Variants in MPLKIP observed in about 807,000 individuals in gnomAD.
The protein encoded by MPLKIP is M-phase-specific PLK1-interacting protein.
MPLKIP carries 16 observed loss-of-function variants against 16.9 expected under a neutral mutation model. The observed-to-expected ratio is 0.94, with a 90% CI of 0.64 to 1.43. The LOEUF is 1.43. Among genes scored for constraint, MPLKIP ranks in the 40% most tolerant of loss-of-function variants. The pLI is 0.00. For missense variants in MPLKIP, 282 were observed against 237.6 expected (o/e 1.19, Z -1.23); for synonymous variants, 126 against 98.4 (o/e 1.28, Z -1.66).
chr7:40,133,307 T>C (rs1289486612), intron 1 of MPLKIP, 48 bp from the exon 2 acceptor site: 1 of 1,518,050 alleles, frequency 6.6e-7, no homozygotes, highest in Non-Finnish European at 9.1e-7. Flanking sequence ...AGATAATTGG[T>C]ACTTCTTCCT....
chr7:40,133,759 A>T (rs887675408), intron 1 of MPLKIP, among the ~76,000 whole-genome samples: 1 of 152,112 alleles, frequency 6.6e-6, no homozygotes, highest in Admixed American at 6.6e-5. Flanking sequence ...CAGAAATCCC[A>T]GACATGCTAG....
intron 1 of MPLKIP, among the ~76,000 whole-genome samples, chr7:40,133,767 T>G (rs1036313492): frequency 1.3e-5 from 2 of 151,602 alleles, no homozygotes; most frequent in Admixed American, 1.3e-4. Flanking sequence ...CCAGACATGC[T>G]AGAGATACTC....
chr7:40,134,467 C>A lies in MPLKIP; in HGVS notation c.101G>T (p.Gly34Val). Residue 34 changes from glycine (G) to valine (V), a missense_variant, in exon 1 of 2, where the codon GGC becomes GTC. Transcript: ENST00000306984. ...GSSFRGTPGG[G>V]GPRPPSPRDG... ...TCGAGGGGAGGGCGGCCGTGGTCCG[C>A]CCCCGCCCGGGGTTCCCCGGAAGCT... The A allele has an allele frequency of 6.4e-7, 1 of 1,572,252 alleles. No homozygotes were observed. Among genetic ancestry groups the A allele is most frequent in the Non-Finnish European group, 8.6e-7 (1 of 1,160,700 alleles).
Position 40,134,314 on chromosome 7 carries a change from C to A in MPLKIP, c.254G>T (p.Gly85Val). 6.4e-7 allele frequency: 1 copy of A among 1,555,966 alleles called. No individual in the cohort carries two copies. Among genetic ancestry groups the A allele is most frequent in the Non-Finnish European group, 8.7e-7 (1 of 1,150,156 alleles). Residue 85 changes from glycine to valine, a missense_variant, in exon 1 of 2, where the codon GGC becomes GTC. Transcript: ENST00000306984. ...GGRFGSPSPGGYPGSYSRSPA... is the reference protein window; with the variant it reads ...GGRFGSPSPGVYPGSYSRSPA... ...GGACCTGGAGTAGGAGCCAGGGTAG[C>A]CGCCAGGGGACGGAGACCCGAACCG...
At position 40,134,140 on chromosome 7, in the gene MPLKIP, G is replaced by A. The variant is rs921233645; in HGVS notation, c.339+89C>T. ...GGGCTAACAATAGTACCTCAGAGAG[G>A]ATTAGACAAAATAATCCACGTAAAG... is the stretch of plus-strand genomic sequence containing the variant. On this transcript the variant is annotated intron_variant, in intron 1 of 1. Coordinates refer to ENST00000306984, the MANE Select transcript of MPLKIP (RefSeq NM_138701.4). 16 of 1,448,388 alleles carry A rather than the reference G, an allele frequency of 1.1e-5. No homozygotes were observed. The African/African-American group carries it at 1.5e-4, about 14-fold the overall frequency. 89.7% of individuals were successfully genotyped at this position (1,448,388 alleles called of 1,614,324 possible).
rs887848288 is a variant in MPLKIP at position 40,129,238 on chromosome 7, C to T, written c.*3821G>A. 1 of 148,684 alleles carries T rather than the reference C, an allele frequency of 6.7e-6. No individual in the cohort carries two copies. The highest frequency in any genetic ancestry group is 1.5e-5 in the Non-Finnish European group (1 of 67,740). The allele number at this position is 148,684 out of a possible 1,614,324, so 9.2% of individuals were successfully genotyped here. On this transcript the variant is annotated 3_prime_UTR_variant, in exon 2 of 2. Coordinates refer to ENST00000306984, the MANE Select transcript of MPLKIP (RefSeq NM_138701.4). ...TAATACATCTGAATTCTGAACATCT[C>T]CACACGGGCCAATATAACTTATTTT...
rs1219066319 is a variant in MPLKIP, at chr7:40,128,046, CACACAAAAAAAGAGGTCATTAGGAAGT to C, written c.*4986_*5012del. ...CAACACAGTAAGACTCTGTCACACA[CACACAAAAAAAGAGGTCATTAGGAAGT>C]TCAGGGCTTATATCAGGTGTACTGA... On this transcript the variant is annotated 3_prime_UTR_variant, in exon 2 of 2. Coordinates refer to ENST00000306984, the MANE Select transcript of MPLKIP (RefSeq NM_138701.4). 2 of 151,826 alleles carry C rather than the reference CACACAAAAAAAGAGGTCATTAGGAAGT, an allele frequency of 1.3e-5. No homozygotes were observed. Among genetic ancestry groups the C allele is most frequent in the East Asian group, 3.9e-4 (2 of 5,192 alleles). 9.4% of individuals were successfully genotyped at this position (151,826 alleles called of 1,614,324 possible).
In MPLKIP at chr7:40,128,699, G is replaced by A. The variant is rs1295842618; in HGVS notation, c.*4360C>T. On this transcript the variant is annotated 3_prime_UTR_variant, in exon 2 of 2. Coordinates refer to ENST00000306984, the MANE Select transcript of MPLKIP (RefSeq NM_138701.4). Reference sequence around the variant, plus strand: ...GGGAGGCTGAGGCTGGGCAGATCATGAGGTCAGGAGATTGAGACCATCCTG... The same window carrying A: ...GGGAGGCTGAGGCTGGGCAGATCATAAGGTCAGGAGATTGAGACCATCCTG... The A allele has an allele frequency of 6.6e-6, 1 of 152,182 alleles. No individual in the cohort carries two copies. Among genetic ancestry groups the A allele is most frequent in the Non-Finnish European group, 1.5e-5 (1 of 68,076 alleles). 9.4% of individuals were successfully genotyped at this position (152,182 alleles called of 1,614,324 possible).
rs1027647998 is a variant in MPLKIP at position 40,131,782 on chromosome 7, G to C, written c.*1277C>G. The C allele has an allele frequency of 6.6e-6, 1 of 152,248 alleles. No individual in the cohort carries two copies. The highest frequency in any genetic ancestry group is 1.5e-5 in the Non-Finnish European group (1 of 68,068). The allele number at this position is 152,248 out of a possible 1,614,324, so 9.4% of individuals were successfully genotyped here. ...GAACCTGGGAGGCGGACGTTGCAGT[G>C]AGCCAAGATTGCGCCACTGCACTCC... On this transcript the variant is annotated 3_prime_UTR_variant, in exon 2 of 2. Transcript: ENST00000306984.
rs1787473557 is a variant in MPLKIP at position 40,132,241 on chromosome 7, A to C, written c.*818T>G. On this transcript the variant is annotated 3_prime_UTR_variant, in exon 2 of 2. Coordinates refer to ENST00000306984, the MANE Select transcript of MPLKIP (RefSeq NM_138701.4). ...CTCACTGTGGCCTTGGCCACAGTTA[A>C]TTGGTTCAATAATACAGAAACATGA... is the stretch of plus-strand genomic sequence containing the variant. The C allele has an allele frequency of 6.6e-6, 1 of 152,256 alleles. No homozygotes were observed. The highest frequency in any genetic ancestry group is 1.5e-5 in the Non-Finnish European group (1 of 68,070). 9.4% of individuals were successfully genotyped at this position (152,256 alleles called of 1,614,324 possible).
chr7:40,134,105 C>G (rs1412996220), intron 1 of MPLKIP, 124 bp downstream of exon 1: 3 of 1,136,440 alleles, frequency 2.6e-6, no homozygotes, highest in African/African-American at 3.1e-5. Context: ...GTTCGCTCAT[C>G]TGCAAAATTG....
Position 40,134,292 on chromosome 7 carries a change from C to T in MPLKIP, c.276G>A (p.Arg92=). 1 of 1,559,660 alleles carries T rather than the reference C, an allele frequency of 6.4e-7. No individual in the cohort carries two copies. Among genetic ancestry groups the T allele is most frequent in the East Asian group, 2.4e-5 (1 of 41,732 alleles). The part of the protein sequence containing the change: ...SPGGYPGSYS[R]SPAGSQQQFG... ...ATTGCTGCTGGGACCCCGCGGGGGACCTGGAGTAGGAGCCAGGGTAGCCGC... is the reference window on the plus strand; with the variant it reads ...ATTGCTGCTGGGACCCCGCGGGGGATCTGGAGTAGGAGCCAGGGTAGCCGC... Residue 92 remains arginine (R), a synonymous_variant, in exon 1 of 2, where the codon AGG becomes AGA. Coordinates refer to ENST00000306984, the MANE Select transcript of MPLKIP (RefSeq NM_138701.4).
chr7:40,133,763 A>C (rs777600753), intron 1 of MPLKIP, among the ~76,000 whole-genome samples: 6 of 152,030 alleles, frequency 3.9e-5, no homozygotes, highest in Non-Finnish European at 7.4e-5. Flanking sequence ...AATCCCAGAC[A>C]TGCTAGAGAT....
At position 40,134,264 on chromosome 7, in the gene MPLKIP, C is replaced by T. The variant is rs1177311958; in HGVS notation, c.304G>A (p.Gly102Ser). ...GTCTGCTGCTGCCCTGGGGAGTAGC[C>T]GAATTGCTGCTGGGACCCCGCGGGG... ...RSPAGSQQQF[G>S]YSPGQQQTHP... The change falls in exon 1 of 2, where the codon GGC becomes AGC. Residue 102 changes from glycine to serine, a missense_variant. Transcript: ENST00000306984. 1 of 1,560,976 alleles carries T rather than the reference C, an allele frequency of 6.4e-7. No homozygotes were observed. The highest frequency in any genetic ancestry group is 8.7e-7 in the Non-Finnish European group (1 of 1,152,438).
At chr7:40,134,104 T>C (rs1029145839) in intron 1 of MPLKIP, 125 bp downstream of exon 1, 3 of 1,086,308 alleles carry the variant, frequency 2.8e-6, no homozygotes, top group Non-Finnish European at 4.0e-6. Flanking sequence ...AGTTCGCTCA[T>C]CTGCAAAATT....
Position 40,134,613 on chromosome 7 carries a change from G to C in MPLKIP, c.-46C>G, listed in dbSNP as rs777297067. On this transcript the variant is annotated 5_prime_UTR_variant, in exon 1 of 2. Coordinates refer to ENST00000306984, the MANE Select transcript of MPLKIP (RefSeq NM_138701.4). The stretch of plus-strand genomic sequence containing the variant: ...ACCTCGCAGCCGCGTTCTCCCACCG[G>C]AACTGTATCAACCGGCCCTCCGCAG... 1.3e-6 allele frequency: 2 copies of C among 1,536,194 alleles called. No homozygotes were observed. Among genetic ancestry groups the C allele is most frequent in the South Asian group, 2.4e-5 (2 of 84,024 alleles).
At position 40,130,882 on chromosome 7, in the gene MPLKIP, T is replaced by A. The variant is rs945623585; in HGVS notation, c.*2177A>T. 3 of 152,114 alleles carry A rather than the reference T, an allele frequency of 2.0e-5. No individual in the cohort carries two copies. The highest frequency in any genetic ancestry group is 4.8e-5 in the African/African-American group (2 of 41,430). The allele number at this position is 152,114 out of a possible 1,614,324, so 9.4% of individuals were successfully genotyped here. On this transcript the variant is annotated 3_prime_UTR_variant, in exon 2 of 2. Coordinates refer to ENST00000306984, the MANE Select transcript of MPLKIP (RefSeq NM_138701.4). ...ACAGGGTGTAGGTAGAACAATATAG[T>A]AGTTACAATCAGAATTTCTACATCC...
chr7:40,127,769 G>C lies in MPLKIP; in HGVS notation c.*5290C>G, dbSNP rs1787410112. On this transcript the variant is annotated 3_prime_UTR_variant, in exon 2 of 2. Transcript: ENST00000306984. The stretch of plus-strand genomic sequence containing the variant: ...ATAAAAGAGGTAATTCAGGCTGGGT[G>C]CACTGCCTCACCCATGTAAGCCCAG... 1 of 152,134 alleles carries C rather than the reference G, an allele frequency of 6.6e-6. No homozygotes were observed. The highest frequency in any genetic ancestry group is 2.1e-4 in the South Asian group (1 of 4,830). The allele number at this position is 152,134 out of a possible 1,614,324, so 9.4% of individuals were successfully genotyped here. A position where few individuals can be genotyped will look rare whatever the true frequency, so the allele number is the denominator to read the frequency against.
rs1241316565 is a variant in MPLKIP at position 40,133,193 on chromosome 7, A to G, written c.406T>C (p.Leu136=). 6.2e-7 allele frequency: 1 copy of G among 1,613,848 alleles called. No individual in the cohort carries two copies. The highest frequency in any genetic ancestry group is 8.5e-7 in the Non-Finnish European group (1 of 1,179,966). ...RVREKRMSNE[L]ENYFKPSMLE... ...ATTGAAGGCTTGAAATAATTTTCCA[A>G]CTCATTAGACATTCTTTTTTCTCTA... The change falls in exon 2 of 2, where the codon TTG becomes CTG. Residue 136 remains leucine (L), a synonymous_variant. Transcript: ENST00000306984.
Sources: gnomAD v4.1 joint callset for allele counts (sites outside exome capture counted in the v4.1 genomes callset) on GRCh38, gnomAD v4.1.1 for gene constraint, MANE v1.5 for transcripts, NCBI Gene and HGNC (gene_info 2026-07-23, HGNC 2026-07-21) for gene names.